Variants in NLGN1 observed in about 807,000 individuals in gnomAD.
NLGN1 encodes the protein neuroligin 1.
A neutral mutation model predicts 65.5 loss-of-function variants in NLGN1; 12 were observed. The ratio of observed to expected loss-of-function variants is 0.18; its 90% CI spans 0.12 to 0.30. NLGN1 has a LOEUF of 0.30. Among genes scored for constraint, NLGN1 ranks in the 10% least tolerant of loss-of-function variants. The pLI is 1.00. For missense variants in NLGN1, 750 were observed against 1,007.1 expected (o/e 0.74, Z 3.46); for synonymous variants, 350 against 359.5 (o/e 0.97, Z 0.30).
At chr3:173,968,619 GA>G (rs1269266033) in intron 4 of NLGN1, among the ~76,000 whole-genome samples, 1 of 148,498 alleles carries the variant, frequency 6.7e-6, no homozygotes, top group African/African-American at 2.5e-5. Flanking sequence ...AAGCTTTCTG[GA>G]AAATTATCAC....
intron 4 of NLGN1, among the ~76,000 whole-genome samples, chr3:174,252,392 A>G (rs1449051747): frequency 1.3e-5 from 2 of 152,222 alleles, no homozygotes. Context: ...TATAAAATTC[A>G]TATTATAACA....
chr3:174,127,942 CA>C (rs1018434360), intron 4 of NLGN1, among the ~76,000 whole-genome samples: 63 of 152,078 alleles, frequency 4.1e-4, no homozygotes, highest in African/African-American at 1.4e-3. Flanking sequence ...AACTAAAGTA[CA>C]AAAAGCTGTG....
At chr3:173,837,305 T>C (rs2150644523) in intron 4 of NLGN1, among the ~76,000 whole-genome samples, 1 of 152,192 alleles carries the variant, frequency 6.6e-6, no homozygotes, top group East Asian at 1.9e-4. Flanking sequence ...TTAAGTAAAA[T>C]CAGGCATATA....
At chr3:174,165,213 T>C (rs1203498470) in intron 4 of NLGN1, among the ~76,000 whole-genome samples, 3 of 152,048 alleles carry the variant, frequency 2.0e-5, no homozygotes, top group African/African-American at 7.2e-5. Context: ...CTGATTCCTC[T>C]GGCTAGCATT....
intron 2 of NLGN1, among the ~76,000 whole-genome samples, chr3:173,501,703 T>C (rs1350858016): frequency 6.6e-6 from 1 of 150,996 alleles, no homozygotes; most frequent in Non-Finnish European, 1.5e-5. Flanking sequence ...ATTCTCTACG[T>C]ATAGAATTTC....
At chr3:173,440,562 G>T (rs758541589) in intron 2 of NLGN1, among the ~76,000 whole-genome samples, 47 of 152,094 alleles carry the variant, frequency 3.1e-4, no homozygotes, top group Non-Finnish European at 5.9e-4. Context: ...GCATGAAAAC[G>T]ACATTAATCT....
At chr3:173,865,177 G>A (rs560910067) in intron 4 of NLGN1, among the ~76,000 whole-genome samples, 2 of 152,144 alleles carry the variant, frequency 1.3e-5, no homozygotes, top group Admixed American at 1.3e-4. Flanking sequence ...TTAGTGTGAA[G>A]TAAATGTAAC....
intron 3 of NLGN1, among the ~76,000 whole-genome samples, chr3:173,785,789 C>T (rs919903664): frequency 2.0e-5 from 3 of 152,126 alleles, no homozygotes; most frequent in Non-Finnish European, 2.9e-5. Context: ...GTAGACCGTA[C>T]TGTTTCTTCC....
In NLGN1 at chr3:174,279,400, G is replaced by A; in HGVS notation, c.1399G>A (p.Ala467Thr). 6.2e-7 allele frequency: 1 copy of A among 1,613,236 alleles called. No individual in the cohort carries two copies. The highest frequency in any genetic ancestry group is 1.3e-5 in the African/African-American group (1 of 74,940). Reference sequence around the variant, plus strand: ...TTTGTTTACGGACCATCAGTGGGTGGCACCAGCTGTAGCCACAGCGGATCT... The same window carrying A: ...TTTGTTTACGGACCATCAGTGGGTGACACCAGCTGTAGCCACAGCGGATCT... Residue 467 changes from alanine to threonine, a missense_variant, in exon 6 of 7, where the codon GCA (alanine) becomes ACA (threonine). Physicochemically the swap from Ala to Thr is moderately conservative, Grantham distance 58 (BLOSUM62 0). Coordinates refer to ENST00000457714, the Ensembl canonical transcript of NLGN1. This position sits in a 1 kb window ranked among gnomAD's most constrained non-coding sequence, Gnocchi z 4.7.
At chr3:173,705,132 T>C (rs1767856129) in intron 3 of NLGN1, among the ~76,000 whole-genome samples, 1 of 152,098 alleles carries the variant, frequency 6.6e-6, no homozygotes, top group African/African-American at 2.4e-5. Flanking sequence ...AATATTTTTT[T>C]CAACTGATCT....
chr3:173,993,107 A>T (rs1721468929), intron 4 of NLGN1, among the ~76,000 whole-genome samples: 2 of 152,138 alleles, frequency 1.3e-5, no homozygotes, highest in South Asian at 4.1e-4. Context: ...GCTTACAGGC[A>T]TTTTCATTAT....
chr3:173,669,716 C>T (rs1577860514), intron 3 of NLGN1, among the ~76,000 whole-genome samples: 1 of 152,258 alleles, frequency 6.6e-6, no homozygotes, highest in Non-Finnish European at 1.5e-5. Flanking sequence ...TTTCTAACTT[C>T]AGCATTAAAT....
At chr3:173,719,975 A>G (rs1227395640) in intron 3 of NLGN1, among the ~76,000 whole-genome samples, 2 of 152,064 alleles carry the variant, frequency 1.3e-5, no homozygotes, top group East Asian at 1.9e-4. Flanking sequence ...TTAGTCAGGC[A>G]TGGTGGCACA....
chr3:174,236,681 T>A (rs931448522), intron 4 of NLGN1, among the ~76,000 whole-genome samples: 2 of 152,130 alleles, frequency 1.3e-5, no homozygotes, highest in Admixed American at 1.3e-4. Flanking sequence ...TTACAATCAA[T>A]ATGTATTTGG....
chr3:174,116,746 G>GT (rs1217827708), intron 4 of NLGN1, among the ~76,000 whole-genome samples: 9 of 152,212 alleles, frequency 5.9e-5, no homozygotes, highest in African/African-American at 2.2e-4. Context: ...TATTAACTCA[G>GT]TGCGAATGTA....
chr3:174,126,652 A>G (rs1718996742), intron 4 of NLGN1, among the ~76,000 whole-genome samples: 1 of 152,040 alleles, frequency 6.6e-6, no homozygotes, highest in Non-Finnish European at 1.5e-5. Flanking sequence ...GGGACTGAGA[A>G]GAGAATATAA....
At chr3:174,247,259 T>G (rs1021999796) in intron 4 of NLGN1, among the ~76,000 whole-genome samples, 3 of 152,208 alleles carry the variant, frequency 2.0e-5, no homozygotes, top group Admixed American at 6.5e-5. Context: ...CAATGTACAG[T>G]CGTTGAATGA....
chr3:173,856,051 G>A lies in NLGN1; in HGVS notation c.646+48219G>A, dbSNP rs1433907735. 2.6e-5 allele frequency among the ~76,000 whole-genome samples: 4 copies of A among 152,050 alleles called. No individual in the cohort carries two copies. In the East Asian group the frequency reaches 7.7e-4, roughly 29 times the overall value. ...AGCAAGAAGCAAAGGAACTATTTCTGGACCCTCTAGCAACAACATTTTAAT... is the reference window on the plus strand; with the variant it reads ...AGCAAGAAGCAAAGGAACTATTTCTAGACCCTCTAGCAACAACATTTTAAT... On this transcript the variant is annotated intron_variant, in intron 4 of 6. Coordinates refer to ENST00000457714, the Ensembl canonical transcript of NLGN1.
At chr3:173,415,943 A>AGAGAGAGAGCGAGC (rs141095727) in intron 1 of NLGN1, among the ~76,000 whole-genome samples, 7 of 142,828 alleles carry the variant, frequency 4.9e-5, no homozygotes, top group African/African-American at 1.7e-4. Flanking sequence ...AGAGAGAGAG[A>AGAGAGAGAGCGAGC]GCTTGGTATA....
Sources: allele counts gnomAD v4.1 joint callset (sites outside exome capture counted in the v4.1 genomes callset), GRCh38; gene constraint gnomAD v4.1.1; non-coding constraint Gnocchi (gnomAD v3.1); transcripts MANE v1.5; gene names NCBI Gene and HGNC (gene_info 2026-07-23, HGNC 2026-07-21).